Variants in MOXD1 observed in about 807,000 individuals in gnomAD.
MOXD1 encodes the protein DBH-like monooxygenase protein 1.
A neutral mutation model predicts 66.6 loss-of-function variants in MOXD1; 62 were observed. That is an observed-to-expected ratio of 0.93 (90% CI 0.76 to 1.15). The LOEUF is 1.15. Among genes scored for constraint, MOXD1 ranks in the 50% most tolerant of loss-of-function variants. MOXD1 has a pLI of 0.00. For synonymous variants in MOXD1, 303 were observed against 281.9 expected, an observed-to-expected ratio of 1.07 and a Z score of -0.75; for missense variants, 847 against 754.6, an observed-to-expected ratio of 1.12 and a Z score of -1.44.
chr6:132,350,207 T>A (rs966441863), intron 4 of MOXD1, among the ~76,000 whole-genome samples: 23 of 152,238 alleles, frequency 1.5e-4, no homozygotes, highest in Non-Finnish European at 2.5e-4. Context: ...CCTAAGCCAA[T>A]GTCTAGAAAA....
chr6:132,324,124 G>A, intron 6 of MOXD1, 27 bp from the exon 7 acceptor site: 2 of 1,587,604 alleles, frequency 1.3e-6, no homozygotes, highest in South Asian at 2.3e-5. Flanking sequence ...TAATTAAAGT[G>A]ATTTTTGGTT....
At chr6:132,338,201 C>G (rs72994815) in intron 4 of MOXD1, among the ~76,000 whole-genome samples, 3 of 152,132 alleles carry the variant, frequency 2.0e-5, no homozygotes, top group Non-Finnish European at 4.4e-5. Flanking sequence ...TTGACTCTGG[C>G]GGTCTGGATC....
intron 4 of MOXD1, among the ~76,000 whole-genome samples, chr6:132,357,991 A>G (rs1775940992): frequency 6.6e-6 from 1 of 152,204 alleles, no homozygotes; most frequent in African/African-American, 2.4e-5. Context: ...ATAAAATGAC[A>G]ATATTTCACA....
chr6:132,360,942 A>G (rs534188325), intron 4 of MOXD1, among the ~76,000 whole-genome samples: 74 of 152,292 alleles, frequency 4.9e-4, no homozygotes, highest in Middle Eastern at 6.8e-3. Flanking sequence ...TATATTTTCA[A>G]CATTTCCTCA....
At chr6:132,314,153 C>A (rs1366735509) in intron 10 of MOXD1, among the ~76,000 whole-genome samples, 1 of 152,146 alleles carries the variant, frequency 6.6e-6, no homozygotes, top group Admixed American at 6.5e-5. Context: ...CAATATCATC[C>A]TCAGCATGTT....
At chr6:132,324,161 AT>A in intron 6 of MOXD1, 64 bp from the exon 7 acceptor site, 3 of 1,509,656 alleles carry the variant, frequency 2.0e-6, no homozygotes, top group Admixed American at 2.1e-5. Context: ...TCCCAAGAAA[AT>A]TCTTGGTTTG....
rs1164171205 is a variant in MOXD1, at chr6:132,384,251, TTC to T, written c.265-9476_265-9475del. 5.4e-4 allele frequency among the ~76,000 whole-genome samples: 38 copies of T among 70,412 alleles called. 1 individual carries two copies. The East Asian group carries it at 0.028, about 51-fold the overall frequency. 46.2% of individuals were successfully genotyped at this position (70,412 alleles called of 152,430 possible). On this transcript the variant is annotated intron_variant, in intron 1 of 11. Transcript: ENST00000367963. ...CTTCCTCCCTCCCTCTCTTCCTTCC[TTC>T]CTTCCTTCCTTCCTTCCTTCCTTCC...
At chr6:132,366,647 A>C (rs919614664) in intron 4 of MOXD1, among the ~76,000 whole-genome samples, 22 of 152,144 alleles carry the variant, frequency 1.4e-4, no homozygotes, top group Admixed American at 1.3e-4. Flanking sequence ...AGTTTACTAA[A>C]TTTAACCCCA....
intron 9 of MOXD1, among the ~76,000 whole-genome samples, chr6:132,317,026 G>T (rs2114560098): frequency 6.6e-6 from 1 of 152,052 alleles, no homozygotes; most frequent in African/African-American, 2.4e-5. Context: ...AAAAAATCTT[G>T]AAAGGAGCAA....
At chr6:132,379,745 A>G (rs1020538934) in intron 1 of MOXD1, among the ~76,000 whole-genome samples, 1 of 152,138 alleles carries the variant, frequency 6.6e-6, no homozygotes, top group Non-Finnish European at 1.5e-5. Flanking sequence ...TTGTATTCAT[A>G]TTTTACTTGA....
intron 10 of MOXD1, among the ~76,000 whole-genome samples, chr6:132,301,181 C>T (rs1289557353): frequency 7.4e-6 from 1 of 135,870 alleles, no homozygotes; most frequent in African/African-American, 3.0e-5. Context: ...TCCATACATA[C>T]ATGTAAACGA....
chr6:132,346,564 A>C (rs1004320725), intron 4 of MOXD1, among the ~76,000 whole-genome samples: 1 of 152,200 alleles, frequency 6.6e-6, no homozygotes, highest in Non-Finnish European at 1.5e-5. Context: ...TTTTATCCAA[A>C]GGTCTAGAAT....
rs1194264575 is a variant in MOXD1 at position 132,296,949 on chromosome 6, T to C, written c.*204A>G. 6 of 479,228 alleles carry C rather than the reference T, an allele frequency of 1.3e-5. No homozygotes were observed. The highest frequency in any genetic ancestry group is 1.9e-5 in the African/African-American group (1 of 52,428). 29.7% of individuals were successfully genotyped at this position (479,228 alleles called of 1,614,324 possible). ...CCAGTTTTATTTTATTGACCATGTA[T>C]ATATAACATCAGATATTTCTAAGAA... On this transcript the variant is annotated 3_prime_UTR_variant, in exon 12 of 12. Coordinates refer to ENST00000367963, the MANE Select transcript of MOXD1 (RefSeq NM_015529.4).
intron 4 of MOXD1, among the ~76,000 whole-genome samples, chr6:132,355,109 C>T (rs1775886814): frequency 6.6e-6 from 1 of 152,162 alleles, no homozygotes; most frequent in Non-Finnish European, 1.5e-5. Context: ...TTTGGTTCTT[C>T]CCTCACCCGT....
intron 4 of MOXD1, among the ~76,000 whole-genome samples, chr6:132,338,818 G>C (rs1775492062): frequency 6.6e-6 from 1 of 152,094 alleles, no homozygotes; most frequent in Admixed American, 6.5e-5. Context: ...TGATAATGAG[G>C]CTTACTTATA....
At chr6:132,332,345 C>T (rs574986608) in intron 4 of MOXD1, among the ~76,000 whole-genome samples, 2 of 151,804 alleles carry the variant, frequency 1.3e-5, no homozygotes, top group South Asian at 4.2e-4. Context: ...TTGGAAGAAG[C>T]AAGCCCTTGG....
chr6:132,304,304 C>G (rs1774637779), intron 10 of MOXD1, among the ~76,000 whole-genome samples: 1 of 152,094 alleles, frequency 6.6e-6, no homozygotes, highest in South Asian at 2.1e-4. Context: ...ACTGCTGGTG[C>G]CTTGATTTTG....
intron 1 of MOXD1, among the ~76,000 whole-genome samples, chr6:132,398,051 T>C (rs1044078170): frequency 2.6e-5 from 4 of 152,222 alleles, no homozygotes; most frequent in Non-Finnish European, 5.9e-5. Flanking sequence ...ACCTTCCCAC[T>C]CCTTCACCCT....
chr6:132,387,841 A>G (rs1024376343), intron 1 of MOXD1, among the ~76,000 whole-genome samples: 1 of 150,608 alleles, frequency 6.6e-6, no homozygotes, highest in African/African-American at 2.4e-5. Flanking sequence ...TGCATCCTCT[A>G]CAAGGATATA....
Sources: allele counts gnomAD v4.1 joint callset (sites outside exome capture counted in the v4.1 genomes callset), GRCh38; gene constraint gnomAD v4.1.1; transcripts MANE v1.5; gene names NCBI Gene and HGNC (gene_info 2026-07-23, HGNC 2026-07-21).